The following RORB variants were observed in gnomAD, a reference collection of about 807,000 sequenced individuals.
The protein encoded by RORB is RAR related orphan receptor B.
In RORB, 6 loss-of-function variants were observed where a neutral mutation model predicts 59.1. The ratio of observed to expected loss-of-function variants is 0.10; its 90% CI spans 0.06 to 0.20. The LOEUF (loss-of-function observed/expected upper bound fraction) is 0.20, where lower values mean the gene tolerates loss of function less well. RORB is among the 10% of genes least tolerant of loss of function. RORB has a pLI of 1.00. For synonymous variants in RORB, 215 were observed against 204.5 expected, an observed-to-expected ratio of 1.05 and a Z score of -0.44; for missense variants, 320 against 560.5, an observed-to-expected ratio of 0.57 and a Z score of 4.33.
chr9:74,664,970 C>T (rs906565861), intron 6 of RORB, among the ~76,000 whole-genome samples: 1 of 152,344 alleles, frequency 6.6e-6, no homozygotes, highest in African/African-American at 2.4e-5. Context: ...TTAGCACCTA[C>T]TATGTGCCAG....
intron 1 of RORB, among the ~76,000 whole-genome samples, chr9:74,617,604 C>G (rs757578741): frequency 3.0e-4 from 46 of 152,256 alleles, no homozygotes; most frequent in Middle Eastern, 3.4e-3. Flanking sequence ...GCAGAACAGG[C>G]GCTTCAGTCT....
At chr9:74,548,828 T>C (rs1351749371) in intron 1 of RORB, among the ~76,000 whole-genome samples, 3 of 152,256 alleles carry the variant, frequency 2.0e-5, no homozygotes, top group East Asian at 1.9e-4. Context: ...ACTCTTTTCA[T>C]TGAAAATATT....
intron 4 of RORB, among the ~76,000 whole-genome samples, chr9:74,644,392 T>C (rs559606076): frequency 1.7e-3 from 263 of 152,390 alleles, no homozygotes; most frequent in Non-Finnish European, 2.8e-3. Context: ...TTCACACGTT[T>C]ACTTTTCACG....
At chr9:74,659,192 A>G (rs1430262615) in intron 4 of RORB, among the ~76,000 whole-genome samples, 1 of 152,170 alleles carries the variant, frequency 6.6e-6, no homozygotes, top group East Asian at 1.9e-4. Flanking sequence ...TAGAAAATTT[A>G]TTAGAAGCTT....
chr9:74,593,118 C>G (rs576733728), intron 1 of RORB, among the ~76,000 whole-genome samples: 1 of 152,076 alleles, frequency 6.6e-6, no homozygotes, highest in Non-Finnish European at 1.5e-5. Context: ...TAATTCAACT[C>G]AACAAATTGT....
chr9:74,569,816 A>G (rs1822523657), intron 1 of RORB, among the ~76,000 whole-genome samples: 2 of 152,088 alleles, frequency 1.3e-5, no homozygotes, highest in South Asian at 2.1e-4. Context: ...CTTTGACTGT[A>G]TATAAATAAG....
chr9:74,629,816 A>G (rs1309409184), intron 1 of RORB, among the ~76,000 whole-genome samples: 1 of 152,238 alleles, frequency 6.6e-6, no homozygotes, highest in African/African-American at 2.4e-5. Context: ...CACACAATGT[A>G]TAAAGCTACC....
At chr9:74,557,975 T>C (rs1822334172) in intron 1 of RORB, among the ~76,000 whole-genome samples, 1 of 152,166 alleles carries the variant, frequency 6.6e-6, no homozygotes, top group Non-Finnish European at 1.5e-5. Flanking sequence ...AATTACTGTA[T>C]AAAATTTAGA....
intron 1 of RORB, among the ~76,000 whole-genome samples, chr9:74,571,310 G>A (rs913002824): frequency 1.3e-5 from 2 of 151,526 alleles, no homozygotes; most frequent in African/African-American, 4.9e-5. Flanking sequence ...ATTGTGGTAT[G>A]CAGACACATG....
intron 1 of RORB, among the ~76,000 whole-genome samples, chr9:74,613,957 T>C (rs1023803243): frequency 6.6e-6 from 1 of 152,244 alleles, no homozygotes; most frequent in African/African-American, 2.4e-5. Flanking sequence ...TGTACCATAT[T>C]TTATTTATTC....
Position 74,667,839 on chromosome 9 carries a change from G to C in RORB, c.1049G>C (p.Cys350Ser). 2 of 1,613,680 alleles carry C rather than the reference G, an allele frequency of 1.2e-6. No individual in the cohort carries two copies. Among genetic ancestry groups the C allele is most frequent in the South Asian group, 2.2e-5 (2 of 91,072 alleles). Residue 350 changes from cysteine (C) to serine (S), a missense_variant, in exon 8 of 10, where the codon TGT (cysteine) becomes TCT (serine). Physicochemically the swap from Cys to Ser is moderately radical, Grantham distance 112. Around this residue, in one of 4 missense-constraint regions of RORB, gnomAD observed 109 missense variants for 171.0 expected, o/e 0.64. Coordinates refer to ENST00000376896, the MANE Select transcript of RORB (RefSeq NM_006914.4). The part of the protein sequence containing the change: ...NEAFDFAKNL[C>S]SLQLTEEEIA... Reference sequence around the variant, plus strand: ...GCATTTGACTTTGCAAAGAATTTGTGTTCCTTGCAGCTGACCGAGGAGGAG... The same window carrying C: ...GCATTTGACTTTGCAAAGAATTTGTCTTCCTTGCAGCTGACCGAGGAGGAG...
rs1211125018 is a variant in RORB, at chr9:74,691,400, T to A, written c.*5782T>A. The A allele has an allele frequency of 6.6e-6, 1 of 152,138 alleles. No homozygotes were observed. The highest frequency in any genetic ancestry group is 1.5e-5 in the Non-Finnish European group (1 of 68,036). The allele number at this position is 152,138 out of a possible 1,614,324, so 9.4% of individuals were successfully genotyped here. ...CAACCATACGTAGAAACACATTAGG[T>A]ATGTCTGGAAAGCTACAAATCCCAC... On this transcript the variant is annotated 3_prime_UTR_variant, in exon 10 of 10. Coordinates refer to ENST00000376896, the MANE Select transcript of RORB (RefSeq NM_006914.4).
At chr9:74,498,338 A>C (rs1423374164) in intron 1 of RORB, 1 of 251,748 alleles carries the variant, frequency 4.0e-6, no homozygotes, top group Non-Finnish European at 7.7e-6. Flanking sequence ...GCCTCTGGAC[A>C]GGAGCAGTTT....
At chr9:74,623,615 T>A (rs1742631552) in intron 1 of RORB, among the ~76,000 whole-genome samples, 1 of 152,156 alleles carries the variant, frequency 6.6e-6, no homozygotes, top group African/African-American at 2.4e-5. Context: ...CACAGAACAG[T>A]GCTTCTCAAA....
intron 1 of RORB, among the ~76,000 whole-genome samples, chr9:74,606,562 C>T (rs979402253): frequency 6.6e-6 from 1 of 152,202 alleles, no homozygotes; most frequent in Non-Finnish European, 1.5e-5. Flanking sequence ...CAAACACAAA[C>T]TTGGGCTGCA....
chr9:74,611,335 G>C (rs1165362875), intron 1 of RORB, among the ~76,000 whole-genome samples: 2 of 152,170 alleles, frequency 1.3e-5, no homozygotes, highest in Non-Finnish European at 2.9e-5. Context: ...GAAGGGACAG[G>C]TTGTATATTA....
Position 74,634,777 on chromosome 9 carries a change from G to C in RORB, c.235+5G>C. Reference sequence around the variant, plus strand: ...CCCTAGGAATGTCAAGAGATGGTAAGACATTACCTTCCTGTTTCTTACTTA... The same window carrying C: ...CCCTAGGAATGTCAAGAGATGGTAACACATTACCTTCCTGTTTCTTACTTA... On this transcript the variant is annotated splice_donor_5th_base_variant and intron_variant, in intron 3 of 9. Transcript: ENST00000376896. The C allele has an allele frequency of 6.2e-7, 1 of 1,609,032 alleles. No individual in the cohort carries two copies. Among genetic ancestry groups the C allele is most frequent in the Non-Finnish European group, 8.5e-7 (1 of 1,177,906 alleles).
intron 1 of RORB, among the ~76,000 whole-genome samples, chr9:74,558,564 C>A (rs1414509258): frequency 6.6e-6 from 1 of 152,136 alleles, no homozygotes; most frequent in Admixed American, 6.6e-5. Context: ...TATTGAACAC[C>A]CTTGCATGGG....
At chr9:74,580,179 C>A (rs926772369) in intron 1 of RORB, among the ~76,000 whole-genome samples, 1 of 151,924 alleles carries the variant, frequency 6.6e-6, no homozygotes, top group East Asian at 1.9e-4. Context: ...TGGTGACGAC[C>A]GTATTTAGCA....
Sources: allele counts gnomAD v4.1 joint callset (sites outside exome capture counted in the v4.1 genomes callset), GRCh38; gene constraint gnomAD v4.1.1; regional missense constraint gnomAD v4.1.1; transcripts MANE v1.5; gene names NCBI Gene and HGNC (gene_info 2026-07-23, HGNC 2026-07-21).